RCOR1: variants seen among roughly 807,000 people sequenced by gnomAD.
RCOR1 encodes the protein REST corepressor.
RCOR1 carries 12 observed loss-of-function variants against 64.0 expected under a neutral mutation model. That is an observed-to-expected ratio of 0.19 (90% confidence interval 0.12 to 0.30). The LOEUF is 0.30. RCOR1 is among the 10% of genes least tolerant of loss of function. The probability of loss-of-function intolerance (pLI) is 1.00; values close to 1 mark genes in which losing one functional copy is unlikely to be tolerated. For missense variants in RCOR1, 502 were observed against 621.2 expected, an observed-to-expected ratio of 0.81 and a Z score of 2.04; for synonymous variants, 279 against 227.2, an observed-to-expected ratio of 1.23 and a Z score of -2.05.
rs1896181107 is a variant in RCOR1, at chr14:102,722,234, G to A, written c.1237G>A (p.Gly413Arg). Residue 413 changes from glycine to arginine, a missense_variant, in exon 11 of 12, where the codon GGG (glycine) becomes AGG (arginine). Transcript: ENST00000262241. ...TTTTCAGGCAATCTCAGACGTGATT[G>A]GGAACAAATCAGTGGTACAAGTGAA... Reference protein sequence around the residue: ...RDFQAISDVIGNKSVVQVKNF... With the variant: ...RDFQAISDVIRNKSVVQVKNF... 1 of 1,614,170 alleles carries A rather than the reference G, an allele frequency of 6.2e-7. No individual in the cohort carries two copies. Among genetic ancestry groups the A allele is most frequent in the Non-Finnish European group, 8.5e-7 (1 of 1,180,020 alleles).
At chr14:102,601,875 G>C (rs189641445) in intron 2 of RCOR1, among the ~76,000 whole-genome samples, 1 of 152,148 alleles carries the variant, frequency 6.6e-6, no homozygotes, top group African/African-American at 2.4e-5. Flanking sequence ...ATTCCCATAC[G>C]TGTTTTTGTA....
Position 102,653,750 on chromosome 14 carries a change from T to C in RCOR1, c.362-28145T>C, listed in dbSNP as rs115890807. Among the ~76,000 whole-genome samples the C allele has an allele frequency of 9.2e-3, 1,405 of 151,988 alleles. 23 individuals are homozygous for C. The highest frequency in any genetic ancestry group is 0.032 in the African/African-American group (1,330 of 41,426). On this transcript the variant is annotated intron_variant, in intron 2 of 11. Coordinates refer to ENST00000262241, the MANE Select transcript of RCOR1 (RefSeq NM_015156.4). ...GTCTCTCTTGCTCCTCCTCTGGCCA[T>C]GTTATATGTGCTTGCTTTCCCTTTG...
chr14:102,702,846 C>G (rs1895777873), intron 4 of RCOR1, among the ~76,000 whole-genome samples: 1 of 152,096 alleles, frequency 6.6e-6, no homozygotes, highest in Non-Finnish European at 1.5e-5. Flanking sequence ...GTAAAGTATG[C>G]CCATTCAGTA....
At chr14:102,642,046 A>G (rs1289536652) in intron 2 of RCOR1, among the ~76,000 whole-genome samples, 1 of 152,176 alleles carries the variant, frequency 6.6e-6, no homozygotes, top group Non-Finnish European at 1.5e-5. Flanking sequence ...GATAAGGTCC[A>G]TTATTTGGGG....
intron 2 of RCOR1, among the ~76,000 whole-genome samples, chr14:102,639,151 G>A (rs1894305620): frequency 6.6e-6 from 1 of 152,124 alleles, no homozygotes; most frequent in Non-Finnish European, 1.5e-5. Flanking sequence ...AAAGCATTTG[G>A]ATGGTTTTCT....
At chr14:102,689,296 T>A (rs1895484384) in intron 3 of RCOR1, among the ~76,000 whole-genome samples, 1 of 152,212 alleles carries the variant, frequency 6.6e-6, no homozygotes, top group South Asian at 2.1e-4. Context: ...CTGAGGATTT[T>A]TTTTTTGTTG....
At chr14:102,722,148 T>C (rs1183529286) in intron 10 of RCOR1, 39 bp from the exon 11 acceptor site, 2 of 1,524,708 alleles carry the variant, frequency 1.3e-6, no homozygotes, top group Non-Finnish European at 1.8e-6. Context: ...AAAAATGTTT[T>C]TCTCTTGTAT....
intron 2 of RCOR1, among the ~76,000 whole-genome samples, chr14:102,627,960 G>GGTGT (rs3069199): frequency 0.027 from 3,984 of 149,026 alleles, 62 homozygotes; most frequent in Admixed American, 0.045. Context: ...ATTTAAAAGG[G>GGTGT]GTGTGTGTGT....
intron 2 of RCOR1, among the ~76,000 whole-genome samples, chr14:102,625,248 T>C (rs1893956479): frequency 6.8e-6 from 1 of 146,904 alleles, no homozygotes; most frequent in Admixed American, 6.8e-5. Flanking sequence ...TTTTTTTTTT[T>C]TTTTTTTGAG....
At chr14:102,626,081 C>T (rs1400869694) in intron 2 of RCOR1, among the ~76,000 whole-genome samples, 2 of 152,142 alleles carry the variant, frequency 1.3e-5, no homozygotes, top group Admixed American at 6.5e-5. Context: ...CAGCTGATGC[C>T]CTTCCAGCAT....
chr14:102,707,671 G>T (rs989545344), intron 5 of RCOR1, among the ~76,000 whole-genome samples, 159 bp downstream of exon 5: 1 of 152,140 alleles, frequency 6.6e-6, no homozygotes, highest in Non-Finnish European at 1.5e-5. Context: ...CTGTGGATGG[G>T]AGTTTTCCAG....
chr14:102,654,078 C>T (rs151321955), intron 2 of RCOR1, among the ~76,000 whole-genome samples: 18,632 of 149,240 alleles, frequency 0.12, 1,410 homozygotes, highest in African/African-American at 0.2. Context: ...CTCTGCCTCC[C>T]GGGTTCACGC....
intron 2 of RCOR1, among the ~76,000 whole-genome samples, chr14:102,613,507 A>G (rs1208528102): frequency 1.4e-5 from 2 of 138,202 alleles, no homozygotes; most frequent in Non-Finnish European, 3.0e-5. Context: ...ATCTCTGCTC[A>G]CTGCAAGCTC....
intron 2 of RCOR1, among the ~76,000 whole-genome samples, chr14:102,644,619 C>G (rs145392025): frequency 8.7e-4 from 132 of 152,332 alleles, no homozygotes; most frequent in African/African-American, 3.2e-3. Context: ...CCAGTTGTGG[C>G]CACCCAAAGC....
At chr14:102,621,848 T>C (rs1383227156) in intron 2 of RCOR1, among the ~76,000 whole-genome samples, 1 of 152,160 alleles carries the variant, frequency 6.6e-6, no homozygotes, top group Admixed American at 6.6e-5. Context: ...TCAGTTGGTC[T>C]CTGATCTTGT....
At chr14:102,677,243 TG>T (rs1284975344) in intron 2 of RCOR1, among the ~76,000 whole-genome samples, 5 of 109,506 alleles carry the variant, frequency 4.6e-5, no homozygotes, top group Non-Finnish European at 7.3e-5. Flanking sequence ...ACGGGGTGGC[TG>T]GCCGGGCAGA....
chr14:102,636,647 C>A (rs1022493912), intron 2 of RCOR1, among the ~76,000 whole-genome samples: 1 of 151,978 alleles, frequency 6.6e-6, no homozygotes, highest in Non-Finnish European at 1.5e-5. Context: ...TTACCTTCAC[C>A]CGTTTTACTG....
chr14:102,608,710 C>CA (rs1396414755), intron 2 of RCOR1, among the ~76,000 whole-genome samples: 1 of 151,766 alleles, frequency 6.6e-6, no homozygotes, highest in Non-Finnish European at 1.5e-5. Context: ...GCTGGGGTTA[C>CA]AGGTGCCTGG....
chr14:102,711,863 C>T (rs1460252840), intron 7 of RCOR1, among the ~76,000 whole-genome samples: 1 of 152,076 alleles, frequency 6.6e-6, no homozygotes, highest in Non-Finnish European at 1.5e-5. Context: ...CACTGTCAAC[C>T]TTTTGGTGAC....
Sources: allele counts gnomAD v4.1 joint callset (sites outside exome capture counted in the v4.1 genomes callset), GRCh38; gene constraint gnomAD v4.1.1; transcripts MANE v1.5; gene names NCBI Gene and HGNC (gene_info 2026-07-23, HGNC 2026-07-21).